Variants in TIAM2 observed in about 807,000 individuals in gnomAD.
TIAM2 encodes rho guanine nucleotide exchange factor TIAM2.
A neutral mutation model predicts 152.9 loss-of-function variants in TIAM2; 80 were observed. That is an observed-to-expected ratio of 0.52 (90% CI 0.44 to 0.63). The LOEUF (loss-of-function observed/expected upper bound fraction) is 0.63. TIAM2 is among the 30% of genes least tolerant of loss of function. TIAM2 has a pLI of 0.00. For missense variants in TIAM2, 1,965 were observed against 2,120.1 expected (o/e 0.93, Z 1.44); for synonymous variants, 804 against 838.0 (o/e 0.96, Z 0.70).
chr6:155,032,265 T>G (rs534724064), intron 1 of TIAM2, among the ~76,000 whole-genome samples: 1 of 152,332 alleles, frequency 6.6e-6, no homozygotes, highest in East Asian at 1.9e-4. Context: ...AATTAAAGTT[T>G]GGAAAGCTTC....
chr6:155,016,510 TA>T, intron 1 of TIAM2: 1 of 58,886 alleles, frequency 1.7e-5, no homozygotes, highest in Non-Finnish European at 3.4e-5. Flanking sequence ...TATTTACATT[TA>T]AATGGTATTT....
intron 1 of TIAM2, among the ~76,000 whole-genome samples, chr6:155,049,382 C>T (rs1043093605): frequency 1.1e-4 from 16 of 152,238 alleles, no homozygotes; most frequent in East Asian, 5.8e-4. Context: ...CATACCTGGA[C>T]TTTATTGCAG....
intron 25 of TIAM2, 97 bp from the exon 26 acceptor site, chr6:155,254,322 C>G: frequency 6.7e-7 from 1 of 1,502,266 alleles, no homozygotes; most frequent in South Asian, 1.3e-5. Flanking sequence ...GCAGCCTGGT[C>G]CAGCAGGTGC....
chr6:155,236,415 C>A (rs1010815474), intron 15 of TIAM2, among the ~76,000 whole-genome samples: 17 of 152,116 alleles, frequency 1.1e-4, no homozygotes, highest in African/African-American at 4.1e-4. Flanking sequence ...GTAATCCCAG[C>A]ACTTTGGGAG....
In TIAM2 at chr6:155,137,530, G is replaced by A. The variant is rs144097950; in HGVS notation, c.1548G>A (p.Lys516=). ...GGAAGGCCGGGTGGCTCTTCTTCAA[G>A]CCCCTGGTCACTGTGCAGAAGGAAA... ...VVRKAGWLFF[K]PLVTVQKERK... The change falls in exon 5 of 27, where the codon AAG becomes AAA. Residue 516 remains lysine, a synonymous_variant. Transcript: ENST00000682666. 1.9e-6 allele frequency: 3 copies of A among 1,613,770 alleles called. No individual in the cohort carries two copies. In the African/African-American group the frequency reaches 4.0e-5, roughly 22 times the overall value.
intron 1 of TIAM2, among the ~76,000 whole-genome samples, chr6:155,080,235 A>C (rs557524200): frequency 3.0e-4 from 46 of 150,982 alleles, no homozygotes; most frequent in African/African-American, 1.0e-3. Flanking sequence ...TGACACAGGT[A>C]TCACAAGGGC....
chr6:155,234,213 G>A (rs1212773320), intron 15 of TIAM2, among the ~76,000 whole-genome samples: 1 of 152,052 alleles, frequency 6.6e-6, no homozygotes, highest in Non-Finnish European at 1.5e-5. Flanking sequence ...TCAAGTGCCC[G>A]TGTTTTTTAT....
chr6:155,180,860 C>T (rs1780886382), intron 12 of TIAM2, among the ~76,000 whole-genome samples: 1 of 152,208 alleles, frequency 6.6e-6, no homozygotes, highest in Non-Finnish European at 1.5e-5. Flanking sequence ...CCGCCCACCT[C>T]AGCCTCCCAA....
Position 155,249,976 on chromosome 6 carries a change from G to C in TIAM2, c.3951+7G>C. On this transcript the variant is annotated splice_region_variant and intron_variant, in intron 21 of 26. Transcript: ENST00000682666. ...GAGCGGAACAGAGAAGGAGGTCCGT[G>C]AGACATCTGCACCCTGGGAGCCTAG... is the stretch of plus-strand genomic sequence containing the variant. 1 of 1,608,686 alleles carries C rather than the reference G, an allele frequency of 6.2e-7. No homozygotes were observed. The highest frequency in any genetic ancestry group is 8.5e-7 in the Non-Finnish European group (1 of 1,176,336).
At position 155,019,825 on chromosome 6, in the gene TIAM2, C is replaced by T. The variant is rs576519531; in HGVS notation, c.-209+24333C>T. Among the ~76,000 whole-genome samples the T allele has an allele frequency of 1.5e-3, 233 of 152,248 alleles. 2 individuals are homozygous for T. The highest frequency in any genetic ancestry group is 5.2e-3 in the African/African-American group (217 of 41,550). On this transcript the variant is annotated intron_variant, in intron 1 of 26. Coordinates refer to ENST00000682666, the MANE Select transcript of TIAM2 (RefSeq NM_012454.4). The stretch of plus-strand genomic sequence containing the variant: ...ATCCCAGCACTTTGGGAGGCCGAGG[C>T]GGGCGGATCACGAGGTCAAGAGATT...
chr6:155,076,908 C>G (rs1247558046), intron 1 of TIAM2, among the ~76,000 whole-genome samples: 2 of 152,216 alleles, frequency 1.3e-5, no homozygotes, highest in African/African-American at 4.8e-5. Context: ...GTTGTCCAGG[C>G]TGGTCTCGAA....
At position 155,254,029 on chromosome 6, in the gene TIAM2, C is replaced by T. The variant is rs147206524; in HGVS notation, c.4282C>T (p.Arg1428Trp). The T allele has an allele frequency of 2.2e-5, 36 of 1,613,938 alleles. No homozygotes were observed. The highest frequency in any genetic ancestry group is 3.3e-4 in the Middle Eastern group (2 of 6,084). Residue 1428 changes from arginine (R) to tryptophan (W), a missense_variant, in exon 25 of 27, where the codon CGG becomes TGG. Coordinates refer to ENST00000682666, the MANE Select transcript of TIAM2 (RefSeq NM_012454.4). ...CCATACGAAGTCAGAAATAGAAGGA[C>T]GGCCAGAAACCATCTTTCAGTTGTG... ...LIHTKSEIEG[R>W]PETIFQLCCS...
chr6:155,106,732 G>A (rs1034045913), intron 2 of TIAM2, among the ~76,000 whole-genome samples: 1 of 152,156 alleles, frequency 6.6e-6, no homozygotes, highest in African/African-American at 2.4e-5. Flanking sequence ...ACCTTTATTC[G>A]GCTGACTTGG....
At position 155,254,419 on chromosome 6, in the gene TIAM2, T is replaced by G; in HGVS notation, c.4314T>G (p.Ser1438Arg). Residue 1438 changes from serine to arginine, a missense_variant and splice_region_variant, in exon 26 of 27, where the codon AGT (serine) becomes AGG (arginine). Ser to Arg is a moderately radical substitution (Grantham distance 110). Around this residue, in one of 3 missense-constraint regions of TIAM2, gnomAD observed 935 missense variants for 980.0 expected, o/e 0.95. Transcript: ENST00000682666. ...RPETIFQLCCSDSESKTNIVK... is the reference protein window; with the variant it reads ...RPETIFQLCCRDSESKTNIVK... ...CTGTTTTCTCTCCCCCCCCACCCAGTGACAGTGAAAGCAAAACCAACATTG... is the reference window on the plus strand; with the variant it reads ...CTGTTTTCTCTCCCCCCCCACCCAGGGACAGTGAAAGCAAAACCAACATTG... 2 of 1,610,294 alleles carry G rather than the reference T, an allele frequency of 1.2e-6. No homozygotes were observed. The highest frequency in any genetic ancestry group is 1.7e-6 in the Non-Finnish European group (2 of 1,176,870).
At chr6:155,142,770 T>G (rs1015607915) in intron 5 of TIAM2, among the ~76,000 whole-genome samples, 37 of 152,224 alleles carry the variant, frequency 2.4e-4, no homozygotes, top group Non-Finnish European at 8.8e-5. Flanking sequence ...TGGATGAGTT[T>G]TATTTGCGGG....
At chr6:155,104,630 G>A (rs965974012) in intron 2 of TIAM2, among the ~76,000 whole-genome samples, 2 of 151,934 alleles carry the variant, frequency 1.3e-5, no homozygotes, top group Non-Finnish European at 2.9e-5. Flanking sequence ...GGTGGCGGGC[G>A]CTTGTAGTCC....
At chr6:155,024,986 C>T (rs758748869) in intron 1 of TIAM2, among the ~76,000 whole-genome samples, 1 of 152,064 alleles carries the variant, frequency 6.6e-6, no homozygotes, top group Non-Finnish European at 1.5e-5. Flanking sequence ...TCCATAGAAC[C>T]TGGTTTTATT....
chr6:155,075,659 G>A (rs1777940061), intron 1 of TIAM2, among the ~76,000 whole-genome samples: 1 of 152,126 alleles, frequency 6.6e-6, no homozygotes, highest in Admixed American at 6.6e-5. Flanking sequence ...GATAGCCTGG[G>A]GATGTTTCCC....
intron 1 of TIAM2, among the ~76,000 whole-genome samples, chr6:155,089,594 A>G (rs552753013): frequency 7.9e-5 from 12 of 152,314 alleles, no homozygotes; most frequent in African/African-American, 2.9e-4. Context: ...GGCTCAAGAC[A>G]TGGTGTTTCT....
Sources: allele counts gnomAD v4.1 joint callset (sites outside exome capture counted in the v4.1 genomes callset), GRCh38; gene constraint gnomAD v4.1.1; regional missense constraint gnomAD v4.1.1; transcripts MANE v1.5; gene names NCBI Gene and HGNC (gene_info 2026-07-23, HGNC 2026-07-21).